Variants in ASXL1 observed in about 807,000 individuals in gnomAD.
ASXL1 encodes the protein ASXL transcriptional regulator 1.
A neutral mutation model predicts 89.1 loss-of-function variants in ASXL1; 65 were observed. The ratio of observed to expected loss-of-function variants is 0.73; its 90% CI spans 0.60 to 0.90. ASXL1 has a LOEUF of 0.90. Ranked by LOEUF, ASXL1 falls within the 40% of genes least tolerant of loss-of-function variation. The probability of loss-of-function intolerance (pLI) is 0.00; values close to 1 mark genes in which losing one functional copy is unlikely to be tolerated. For synonymous variants in ASXL1, 739 were observed against 746.9 expected, an observed-to-expected ratio of 0.99 and a Z score of 0.17; for missense variants, 1,786 against 1,942.9, an observed-to-expected ratio of 0.92 and a Z score of 1.52.
chr20:32,386,336 G>T (rs969504718), intron 4 of ASXL1, among the ~76,000 whole-genome samples: 1 of 151,796 alleles, frequency 6.6e-6, no homozygotes, highest in Non-Finnish European at 1.5e-5. Context: ...TTATTAGCAA[G>T]ATCTTTTTCT....
At chr20:32,366,898 T>C (rs982496214) in intron 2 of ASXL1, among the ~76,000 whole-genome samples, 1 of 152,174 alleles carries the variant, frequency 6.6e-6, no homozygotes, top group Non-Finnish European at 1.5e-5. Flanking sequence ...CTGACTTTTT[T>C]CCCCTTACTA....
At chr20:32,417,402 A>G (rs2049156607) in intron 4 of ASXL1, among the ~76,000 whole-genome samples, 1 of 152,154 alleles carries the variant, frequency 6.6e-6, no homozygotes, top group Admixed American at 6.5e-5. Context: ...TCTTTACGTT[A>G]TATTCCAAGA....
chr20:32,407,773 A>G (rs1378900740), intron 4 of ASXL1, among the ~76,000 whole-genome samples: 1 of 151,812 alleles, frequency 6.6e-6, no homozygotes, highest in African/African-American at 2.4e-5. Context: ...CTGCCTTTGC[A>G]TTTTTATTAA....
In ASXL1 at chr20:32,426,541, CTTTTTTTTCTTTCTTTT is replaced by C. The variant is rs1242510484; in HGVS notation, c.253-1578_253-1562del. Among the ~76,000 whole-genome samples, 173 of 92,548 alleles carry C rather than the reference CTTTTTTTTCTTTCTTTT, an allele frequency of 1.9e-3. 3 individuals carry two copies. In the Middle Eastern group the frequency reaches 0.02, roughly 11 times the overall value. The allele number at this position is 92,548 out of a possible 152,430, so 60.7% of individuals were successfully genotyped here. A position where few individuals can be genotyped will look rare whatever the true frequency, so the allele number is the denominator to read the frequency against. On this transcript the variant is annotated intron_variant, in intron 4 of 12. Transcript: ENST00000375687. ...AGGTAAAGATGTAGAAAACTGTTTT[CTTTTTTTTCTTTCTTTT>C]TTTTTTTTTTTTTTTTTTTTGAGAT...
intron 3 of ASXL1, 117 bp downstream of exon 3, chr20:32,367,846 A>G: frequency 1.3e-6 from 1 of 750,008 alleles, no homozygotes; most frequent in Non-Finnish European, 2.5e-6. Context: ...CAGCTCTGTA[A>G]TTTGTAGACA....
At chr20:32,399,502 T>A (rs1159384405) in intron 4 of ASXL1, among the ~76,000 whole-genome samples, 2 of 151,624 alleles carry the variant, frequency 1.3e-5, no homozygotes, top group African/African-American at 4.8e-5. Context: ...TTTCGGATTT[T>A]TTTTTTTTTT....
At chr20:32,426,554 C>CTTTTTTT (rs1177815042) in intron 4 of ASXL1, among the ~76,000 whole-genome samples, 6 of 83,954 alleles carry the variant, frequency 7.1e-5, no homozygotes, top group African/African-American at 2.3e-4. Context: ...TTTTTTCTTT[C>CTTTTTTT]TTTTTTTTTT....
At chr20:32,394,514 CTTTAGTG>C (rs966882019) in intron 4 of ASXL1, among the ~76,000 whole-genome samples, 16 of 152,066 alleles carry the variant, frequency 1.1e-4, no homozygotes, top group African/African-American at 3.9e-4. Context: ...TTAGTGGCTG[CTTTAGTG>C]TTTATTGAGT....
intron 4 of ASXL1, among the ~76,000 whole-genome samples, chr20:32,420,053 T>C (rs1359205943): frequency 6.6e-6 from 1 of 151,954 alleles, no homozygotes; most frequent in Admixed American, 6.6e-5. Context: ...TTTTTTTTTT[T>C]TAATGTGATC....
At chr20:32,434,317 T>TAAAA (rs762541721) in intron 12 of ASXL1, 115 bp from the exon 13 acceptor site, 23 of 1,311,308 alleles carry the variant, frequency 1.8e-5, no homozygotes, top group Non-Finnish European at 2.5e-5. Context: ...TTTAAGGAAA[T>TAAAA]TATTTGATTC....
chr20:32,422,881 G>A (rs961604995), intron 4 of ASXL1, among the ~76,000 whole-genome samples: 6 of 151,762 alleles, frequency 4.0e-5, no homozygotes, highest in African/African-American at 1.2e-4. Flanking sequence ...CACCGTGCCC[G>A]GCCTATAGAA....
rs1278909439 is a variant in ASXL1 at position 32,437,929 on chromosome 20, AC to A, written c.*592del. 8 of 239,578 alleles carry A rather than the reference AC, an allele frequency of 3.3e-5. No individual in the cohort carries two copies. The highest frequency in any genetic ancestry group is 5.7e-5 in the Non-Finnish European group (7 of 122,052). 14.8% of individuals were successfully genotyped at this position (239,578 alleles called of 1,614,324 possible). On this transcript the variant is annotated 3_prime_UTR_variant, in exon 13 of 13. Coordinates refer to ENST00000375687, the MANE Select transcript of ASXL1 (RefSeq NM_015338.6). ...GTTCTGTTGCTGAAGCAAATTTGGAACTTTTCTGTCTCAGTGTGATCCACTA... is the reference window on the plus strand; with the variant it reads ...GTTCTGTTGCTGAAGCAAATTTGGAATTTTCTGTCTCAGTGTGATCCACTA...
rs2123235416 is a variant in ASXL1 at position 32,431,473 on chromosome 20, G to A, written c.871G>A (p.Val291Ile). The change falls in exon 9 of 13, where the codon GTA becomes ATA. Residue 291 changes from valine to isoleucine, a missense_variant. Coordinates refer to ENST00000375687, the MANE Select transcript of ASXL1 (RefSeq NM_015338.6). ...GCAGCTCCTCTTCCTCCTGCCTGAA[G>A]TAGACAGACAGGTGCACATGGGCAG... ...QQQLLFLLPE[V>I]DRQVGTDGLL... 1.2e-5 allele frequency: 20 copies of A among 1,614,160 alleles called. No individual in the cohort carries two copies. The highest frequency in any genetic ancestry group is 1.7e-5 in the Non-Finnish European group (20 of 1,180,024).
rs1285138418 is a variant in ASXL1, at chr20:32,428,361, C to G, written c.410C>G (p.Ser137Cys). 1.9e-6 allele frequency: 3 copies of G among 1,614,148 alleles called. No individual in the cohort carries two copies. The highest frequency in any genetic ancestry group is 2.5e-6 in the Non-Finnish European group (3 of 1,180,010). Residue 137 changes from serine (S) to cysteine (C), a missense_variant, in exon 6 of 13, where the codon TCT (serine) becomes TGT (cysteine). Ser to Cys is a moderately radical substitution (Grantham distance 112). Transcript: ENST00000375687. Reference sequence around the variant, plus strand: ...GAAACATCTTCGAACGCATCCTGTTCTACAGAATCTCAGAGTCGACCTCTT... The same window carrying G: ...GAAACATCTTCGAACGCATCCTGTTGTACAGAATCTCAGAGTCGACCTCTT... ...LDETSSNASC[S>C]TESQSRPLSN... is the part of the protein sequence containing the mutation.
chr20:32,384,484 C>T (rs2048544310), intron 4 of ASXL1, among the ~76,000 whole-genome samples: 1 of 152,164 alleles, frequency 6.6e-6, no homozygotes, highest in Non-Finnish European at 1.5e-5. Context: ...GTGTGAGCCA[C>T]CGTGCCCGGC....
Position 32,437,455 on chromosome 20 carries a change from G to C in ASXL1, c.*117G>C. ...ATACTCTTTAGGCAGGAGCACTCTT[G>C]CCTTCCCCCAAAATTTACACTGCTA... On this transcript the variant is annotated 3_prime_UTR_variant, in exon 13 of 13. Transcript: ENST00000375687. The C allele has an allele frequency of 6.7e-7, 1 of 1,487,104 alleles. No individual in the cohort carries two copies. 92.1% of individuals were successfully genotyped at this position (1,487,104 alleles called of 1,614,324 possible).
chr20:32,410,881 A>T (rs1242816088), intron 4 of ASXL1, among the ~76,000 whole-genome samples: 1 of 151,974 alleles, frequency 6.6e-6, no homozygotes, highest in Non-Finnish European at 1.5e-5. Flanking sequence ...ATACAAAAAA[A>T]TTAGCTGGAC....
At chr20:32,433,955 G>C (rs1254730580) in intron 12 of ASXL1, 38 bp downstream of exon 12, 1 of 1,610,110 alleles carries the variant, frequency 6.2e-7, no homozygotes. Flanking sequence ...CCTGGAGCCA[G>C]GTTTTCTTTG....
chr20:32,415,228 C>T (rs770792407), intron 4 of ASXL1, among the ~76,000 whole-genome samples: 3 of 152,028 alleles, frequency 2.0e-5, no homozygotes, highest in Admixed American at 6.5e-5. Context: ...AGGCTGGTCT[C>T]GAACTCCTGA....
Sources: allele counts gnomAD v4.1 joint callset (sites outside exome capture counted in the v4.1 genomes callset), GRCh38; gene constraint gnomAD v4.1.1; transcripts MANE v1.5; gene names NCBI Gene and HGNC (gene_info 2026-07-23, HGNC 2026-07-21).